Variants in HECTD4 observed in about 807,000 individuals in gnomAD.
HECTD4 encodes the protein probable E3 ubiquitin-protein ligase HECTD4.
Under a neutral mutation model 471.5 loss-of-function variants are expected in HECTD4, and 114 were observed. That is an observed-to-expected ratio of 0.24 (90% CI 0.21 to 0.28). The LOEUF is 0.28. HECTD4 is among the 10% of genes least tolerant of loss of function. The pLI is 1.00. For missense variants in HECTD4, 3,866 were observed against 5,651.5 expected, an observed-to-expected ratio of 0.68 and a Z score of 10.13; for synonymous variants, 2,012 against 2,256.0, an observed-to-expected ratio of 0.89 and a Z score of 3.07.
At chr12:112,275,560 AC>A (rs1299854694) in intron 9 of HECTD4, among the ~76,000 whole-genome samples, 1 of 152,116 alleles carries the variant, frequency 6.6e-6, no homozygotes, top group Non-Finnish European at 1.5e-5. Flanking sequence ...TAAAAGTCCT[AC>A]CTTATATAGT....
At position 112,259,097 on chromosome 12, in the gene HECTD4, C is replaced by T. The variant is rs746587403; in HGVS notation, c.3027+15G>A. On this transcript the variant is annotated intron_variant, in intron 19 of 75. Transcript: ENST00000682272. ...GGCCAAAAAGCAGTTCACTTTGGCA[C>T]ACCAAGGATCATACCTGGCTGGTAT... The T allele has an allele frequency of 1.3e-6, 2 of 1,592,160 alleles. No individual in the cohort carries two copies. The highest frequency in any genetic ancestry group is 2.7e-5 in the African/African-American group (2 of 73,738).
intron 1 of HECTD4, among the ~76,000 whole-genome samples, chr12:112,338,065 G>C (rs890502358): frequency 6.6e-6 from 1 of 152,164 alleles, no homozygotes; most frequent in Non-Finnish European, 1.5e-5. Context: ...TCTGAAATCG[G>C]TATCACTGGG....
chr12:112,178,776 C>G (rs1012042748), intron 64 of HECTD4, among the ~76,000 whole-genome samples, 155 bp downstream of exon 64: 7 of 152,234 alleles, frequency 4.6e-5, no homozygotes, highest in African/African-American at 1.7e-4. Flanking sequence ...GAGCTGTGAT[C>G]GGGCCGCTGC....
intron 11 of HECTD4, among the ~76,000 whole-genome samples, chr12:112,271,933 T>C (rs2034421636): frequency 6.6e-6 from 1 of 152,226 alleles, no homozygotes; most frequent in Admixed American, 6.5e-5. Flanking sequence ...TTTAAAGTCA[T>C]CAGTCCAACA....
At chr12:112,250,464 A>T in intron 24 of HECTD4, 87 bp from the exon 25 acceptor site, 1 of 903,312 alleles carries the variant, frequency 1.1e-6, no homozygotes, top group Non-Finnish European at 1.8e-6. Context: ...CATCAAACAT[A>T]TGAAGGATCA....
intron 7 of HECTD4, among the ~76,000 whole-genome samples, chr12:112,285,697 C>T (rs1001153200): frequency 2.6e-5 from 4 of 152,090 alleles, no homozygotes; most frequent in African/African-American, 7.2e-5. Flanking sequence ...TCCAACTCCG[C>T]TTCTCTATGG....
At chr12:112,266,398 C>A (rs1354377463) in intron 14 of HECTD4, among the ~76,000 whole-genome samples, 1 of 152,218 alleles carries the variant, frequency 6.6e-6, no homozygotes, top group Non-Finnish European at 1.5e-5. Context: ...GCAGTGGAGA[C>A]AGAAAGTTTA....
chr12:112,182,481 A>G (rs920304753), intron 62 of HECTD4, among the ~76,000 whole-genome samples: 14 of 152,162 alleles, frequency 9.2e-5, no homozygotes, highest in Non-Finnish European at 1.8e-4. Flanking sequence ...TTCGGAGAAA[A>G]AAGGGACGGA....
chr12:112,211,522 C>T (rs1180019162), intron 49 of HECTD4, among the ~76,000 whole-genome samples: 1 of 149,636 alleles, frequency 6.7e-6, no homozygotes, highest in Non-Finnish European at 1.5e-5. Flanking sequence ...TAGAGATGTC[C>T]TGAAGGGGGA....
At chr12:112,270,180 GT>G (rs1566094001) in intron 12 of HECTD4, 46 bp downstream of exon 12, 2 of 1,535,956 alleles carry the variant, frequency 1.3e-6, no homozygotes, top group South Asian at 2.3e-5. Context: ...CAAGGTTTGC[GT>G]TTCCTTTTCT....
Position 112,164,147 on chromosome 12 carries a change from C to T in HECTD4, c.12663G>A (p.Glu4221=), listed in dbSNP as rs1319490763. The T allele has an allele frequency of 3.1e-6, 5 of 1,612,692 alleles. No individual in the cohort carries two copies. The South Asian group carries it at 5.5e-5, about 18-fold the overall frequency. The change falls in exon 73 of 76, where the codon GAG becomes GAA. Residue 4221 remains glutamate, a synonymous_variant. Coordinates refer to ENST00000682272, the MANE Select transcript of HECTD4 (RefSeq NM_001388303.1). The part of the protein sequence containing the change: ...RFTYLTMTGE[E]VELCSRGRHI... Reference sequence around the variant, plus strand: ...GCCGGCCCCGGCTGCACAGCTCCACCTCCTCGCCCGTCATGGTCAGGTAGG... The same window carrying T: ...GCCGGCCCCGGCTGCACAGCTCCACTTCCTCGCCCGTCATGGTCAGGTAGG...
chr12:112,203,795 T>C (rs1471663558), intron 53 of HECTD4, 23 bp from the exon 54 acceptor site: 2 of 1,505,956 alleles, frequency 1.3e-6, no homozygotes, highest in Non-Finnish European at 8.9e-7. Flanking sequence ...GAGGGAGAAG[T>C]TTTTCAGGAA....
intron 1 of HECTD4, among the ~76,000 whole-genome samples, chr12:112,361,131 A>G (rs2036441447): frequency 6.6e-6 from 1 of 152,204 alleles, no homozygotes; most frequent in Non-Finnish European, 1.5e-5. Flanking sequence ...AATGGAACAC[A>G]CCAACAAAAA....
At chr12:112,377,836 C>T (rs1244290374) in intron 1 of HECTD4, among the ~76,000 whole-genome samples, 9 of 151,894 alleles carry the variant, frequency 5.9e-5, no homozygotes, top group African/African-American at 2.2e-4. Context: ...CATCACTGCA[C>T]TCCAGCCTGG....
In HECTD4 at chr12:112,181,703, A is replaced by G. The variant is rs185803960; in HGVS notation, c.10987+1356T>C. On this transcript the variant is annotated intron_variant, in intron 62 of 75. Coordinates refer to ENST00000682272, the MANE Select transcript of HECTD4 (RefSeq NM_001388303.1). ...TCAAACTCCTGGGCTCAAGCAATCC[A>G]TCTGCCTTGGCTTTCCAAAGTGCTG... Among the ~76,000 whole-genome samples, 966 of 152,278 alleles carry G rather than the reference A, an allele frequency of 6.3e-3. 13 individuals carry two copies. The highest frequency in any genetic ancestry group is 0.022 in the African/African-American group (902 of 41,548).
intron 7 of HECTD4, among the ~76,000 whole-genome samples, chr12:112,284,740 T>C (rs923197161): frequency 5.1e-4 from 77 of 152,304 alleles, no homozygotes; most frequent in African/African-American, 1.7e-3. Context: ...ACCTTTTCCT[T>C]GACTTCCTTG....
chr12:112,208,644 C>A lies in HECTD4; in HGVS notation c.7868-14G>T, dbSNP rs771875455. On this transcript the variant is annotated splice_polypyrimidine_tract_variant and intron_variant, in intron 50 of 75. Transcript: ENST00000682272. Reference sequence around the variant, plus strand: ...CACTATCATATTCTGTAACAGAGCACAAGGACAGCGAATTCTAAACAAGAG... The same window carrying A: ...CACTATCATATTCTGTAACAGAGCAAAAGGACAGCGAATTCTAAACAAGAG... 11 of 1,538,948 alleles carry A rather than the reference C, an allele frequency of 7.1e-6. No homozygotes were observed. The East Asian group carries it at 2.6e-4, about 36-fold the overall frequency.
chr12:112,284,544 G>A (rs1025835509), intron 7 of HECTD4, among the ~76,000 whole-genome samples: 1 of 152,174 alleles, frequency 6.6e-6, no homozygotes, highest in Non-Finnish European at 1.5e-5. Context: ...TACGTAGTGG[G>A]GGAGTCTTTT....
At chr12:112,296,746 T>C (rs1287475993) in intron 7 of HECTD4, among the ~76,000 whole-genome samples, 4 of 147,722 alleles carry the variant, frequency 2.7e-5, no homozygotes, top group African/African-American at 7.6e-5. Context: ...GCAGAGGGTA[T>C]AGATGCAGTG....
Sources: gnomAD v4.1 joint callset for allele counts (sites outside exome capture counted in the v4.1 genomes callset) on GRCh38, gnomAD v4.1.1 for gene constraint, MANE v1.5 for transcripts, NCBI Gene and HGNC (gene_info 2026-07-23, HGNC 2026-07-21) for gene names.